The following ASCC3 variants were observed in gnomAD, a reference collection of about 807,000 sequenced individuals.
ASCC3 encodes the protein activating signal cointegrator 1 complex subunit 3.
A neutral mutation model predicts 256.3 loss-of-function variants in ASCC3; 158 were observed. The observed-to-expected ratio is 0.62, with a 90% CI of 0.54 to 0.70. The LOEUF (loss-of-function observed/expected upper bound fraction) is 0.70. Among genes scored for constraint, ASCC3 ranks in the 30% least tolerant of loss-of-function variants. The pLI is 0.00. For synonymous variants in ASCC3, 948 were observed against 883.4 expected, an observed-to-expected ratio of 1.07 and a Z score of -1.30; for missense variants, 2,259 against 2,626.0, an observed-to-expected ratio of 0.86 and a Z score of 3.05.
intron 25 of ASCC3, among the ~76,000 whole-genome samples, chr6:100,632,742 T>A (rs557243057): frequency 2.7e-4 from 41 of 152,258 alleles, no homozygotes; most frequent in African/African-American, 9.6e-4. Context: ...TATTCTCTTC[T>A]ATGAATGATG....
chr6:100,842,378 A>C (rs1772184880), intron 4 of ASCC3, among the ~76,000 whole-genome samples: 1 of 152,108 alleles, frequency 6.6e-6, no homozygotes, highest in Non-Finnish European at 1.5e-5. Flanking sequence ...TGAGGTGAAA[A>C]TTGTTTTCAT....
At chr6:100,516,358 T>G in intron 38 of ASCC3, 31 bp from the exon 39 acceptor site, 1 of 1,612,942 alleles carries the variant, frequency 6.2e-7, no homozygotes. Context: ...AACCAAATAA[T>G]TGTTTCACAG....
intron 4 of ASCC3, among the ~76,000 whole-genome samples, chr6:100,811,054 C>A (rs950585603): frequency 4.6e-5 from 7 of 152,008 alleles, no homozygotes; most frequent in Non-Finnish European, 8.8e-5. Flanking sequence ...GTTTACCCCC[C>A]GCCCATACTA....
intron 10 of ASCC3, among the ~76,000 whole-genome samples, chr6:100,731,361 A>G (rs891703512): frequency 2.6e-5 from 4 of 152,210 alleles, no homozygotes; most frequent in African/African-American, 9.6e-5. Context: ...CCTCATTAGC[A>G]TAAGCTTGTA....
chr6:100,581,504 T>G (rs1771261207), intron 36 of ASCC3, among the ~76,000 whole-genome samples: 1 of 152,116 alleles, frequency 6.6e-6, no homozygotes, highest in South Asian at 2.1e-4. Flanking sequence ...GATGAGTAGG[T>G]TGCGAAAATT....
intron 34 of ASCC3, among the ~76,000 whole-genome samples, chr6:100,600,497 C>A (rs535114643): frequency 6.6e-6 from 1 of 152,172 alleles, no homozygotes; most frequent in South Asian, 2.1e-4. Context: ...ATATTTAGTA[C>A]CTAACCCAGA....
At chr6:100,788,194 A>C (rs1477074045) in intron 8 of ASCC3, among the ~76,000 whole-genome samples, 1 of 152,064 alleles carries the variant, frequency 6.6e-6, no homozygotes, top group Non-Finnish European at 1.5e-5. Flanking sequence ...AAGAAGAATG[A>C]CAAGTAAGGA....
rs1773093088 is a variant in ASCC3, at chr6:100,608,238, ACT to A, written c.4786-1152_4786-1151del. ...TATATATATACTTTATATACTTTAT[ACT>A]TTATATATATACTTTATATATACTT... On this transcript the variant is annotated intron_variant, in intron 30 of 41. Coordinates refer to ENST00000369162, the MANE Select transcript of ASCC3 (RefSeq NM_006828.4). Among the ~76,000 whole-genome samples, 2 of 88,558 alleles carry A rather than the reference ACT, an allele frequency of 2.3e-5. 1 individual carries two copies. The highest frequency in any genetic ancestry group is 3.7e-5 in the Non-Finnish European group (2 of 53,870). The allele number at this position is 88,558 out of a possible 152,430, so 58.1% of individuals were successfully genotyped here.
chr6:100,808,077 T>C (rs1490975767), intron 4 of ASCC3, among the ~76,000 whole-genome samples: 1 of 151,890 alleles, frequency 6.6e-6, no homozygotes, highest in Non-Finnish European at 1.5e-5. Flanking sequence ...AAGAGAAAAT[T>C]AGAATTTTGA....
chr6:100,624,955 A>C (rs976619435), intron 30 of ASCC3, among the ~76,000 whole-genome samples: 8 of 152,008 alleles, frequency 5.3e-5, no homozygotes, highest in Admixed American at 4.6e-4. Flanking sequence ...AAATGATTGA[A>C]TGTTACAATA....
intron 27 of ASCC3, 74 bp downstream of exon 27, chr6:100,628,941 A>T: frequency 3.0e-6 from 4 of 1,318,128 alleles, no homozygotes; most frequent in Non-Finnish European, 4.2e-6. Context: ...ATTACATGCA[A>T]ATTAAAAATA....
chr6:100,799,556 T>A lies in ASCC3; in HGVS notation c.1144A>T (p.Asn382Tyr). The A allele has an allele frequency of 6.2e-7, 1 of 1,612,608 alleles. No individual in the cohort carries two copies. Among genetic ancestry groups the A allele is most frequent in the Non-Finnish European group, 8.5e-7 (1 of 1,179,342 alleles). Residue 382 changes from asparagine (N) to tyrosine (Y), a missense_variant, in exon 7 of 42, where the codon AAT (asparagine) becomes TAT (tyrosine). This residue lies in a region of ASCC3 where 1,839 missense variants were observed against 2,206.7 expected (regional missense o/e 0.83). Transcript: ENST00000369162. ...CTCAGAATTGGAACACTTCTAGCAT[T>A]CAGAAGTGCCTGTTCTCTGTAAACA... ...LRIQREQALL[N>Y]ARSVPILSRQ...
In ASCC3 at chr6:100,824,714, CATG is replaced by C. The variant is rs201317771; in HGVS notation, c.802-18837_802-18835del. ...ATAAATTAAGAGTATTAATATGGTACATGATAATATCAATACTTTCAAACTTTG... is the reference window on the plus strand; with the variant it reads ...ATAAATTAAGAGTATTAATATGGTACATAATATCAATACTTTCAAACTTTG... On this transcript the variant is annotated intron_variant, in intron 4 of 41. Coordinates refer to ENST00000369162, the MANE Select transcript of ASCC3 (RefSeq NM_006828.4). Among the ~76,000 whole-genome samples, 1,095 of 152,078 alleles carry C rather than the reference CATG, an allele frequency of 7.2e-3. 11 individuals are homozygous for C. Among genetic ancestry groups the C allele is most frequent in the African/African-American group, 0.025 (1,056 of 41,486 alleles).
chr6:100,799,373 A>G, intron 7 of ASCC3, 58 bp downstream of exon 7: 8 of 1,582,830 alleles, frequency 5.1e-6, no homozygotes, highest in South Asian at 1.1e-5. Context: ...GAAAATCCAC[A>G]CATCATTTCT....
chr6:100,875,148 C>T (rs1431205380), intron 1 of ASCC3, among the ~76,000 whole-genome samples: 1 of 140,076 alleles, frequency 7.1e-6, no homozygotes, highest in African/African-American at 2.5e-5. Flanking sequence ...AATAAACCAA[C>T]TGAAAGACAG....
chr6:100,721,787 A>G (rs1383177736), intron 11 of ASCC3, among the ~76,000 whole-genome samples: 2 of 117,722 alleles, frequency 1.7e-5, no homozygotes, highest in East Asian at 4.4e-4. Context: ...CTACTTGTCA[A>G]ATTTTTTGTT....
chr6:100,586,550 C>A (rs1008402335), intron 36 of ASCC3, among the ~76,000 whole-genome samples: 1 of 152,194 alleles, frequency 6.6e-6, no homozygotes, highest in African/African-American at 2.4e-5. Context: ...TAAGGCAATG[C>A]CTCGCCCTGC....
chr6:100,773,436 C>G (rs1010234041), intron 8 of ASCC3, among the ~76,000 whole-genome samples: 2 of 152,132 alleles, frequency 1.3e-5, no homozygotes, highest in African/African-American at 4.8e-5. Flanking sequence ...CTCATTGACT[C>G]TTCATTACCA....
intron 37 of ASCC3, chr6:100,530,232 G>A (rs1774800056): frequency 4.9e-6 from 4 of 821,138 alleles, no homozygotes; most frequent in African/African-American, 3.4e-5. Flanking sequence ...CTGCTCATTC[G>A]CTCAGAGCCA....
Sources: allele counts gnomAD v4.1 joint callset (sites outside exome capture counted in the v4.1 genomes callset), GRCh38; gene constraint gnomAD v4.1.1; regional missense constraint gnomAD v4.1.1; transcripts MANE v1.5; gene names NCBI Gene and HGNC (gene_info 2026-07-23, HGNC 2026-07-21).